CACNA1C: variants seen among roughly 807,000 people sequenced by gnomAD.
The protein encoded by CACNA1C is voltage-dependent L-type calcium channel subunit alpha-1C.
In CACNA1C, 30 loss-of-function variants were observed where a neutral mutation model predicts 229.0. The observed-to-expected ratio is 0.13, with a 90% CI of 0.10 to 0.18. The LOEUF (loss-of-function observed/expected upper bound fraction) is 0.18. Ranked by LOEUF, CACNA1C falls within the 10% of genes least tolerant of loss-of-function variation. The pLI, the probability that CACNA1C is intolerant of heterozygous loss-of-function variation, is 1.00. For missense variants in CACNA1C, 1,658 were observed against 2,845.0 expected (o/e 0.58, Z 9.49); for synonymous variants, 1,114 against 1,132.5 (o/e 0.98, Z 0.33).
rs564612553 is a variant in CACNA1C at position 2,033,096 on chromosome 12, A to T, written c.139+61895A>T. ...AGTGCCTGGTTAGGTGCAGTGATGT[A>T]GCTAACCCACCCTGGGGGAGTTCCG... On this transcript the variant is annotated intron_variant, in intron 1 of 46. Coordinates refer to the CACNA1C transcript ENST00000682462. 1.3e-4 allele frequency among the ~76,000 whole-genome samples: 20 copies of T among 152,280 alleles called. 2 individuals are homozygous for T. In the South Asian group the frequency reaches 4.1e-3, roughly 32 times the overall value.
intron 3 of CACNA1C, among the ~76,000 whole-genome samples, chr12:2,144,999 G>C (rs1235362195): frequency 1.3e-5 from 2 of 151,248 alleles, no homozygotes; most frequent in African/African-American, 4.8e-5. Context: ...TGCAGTATTA[G>C]AGGTGGACAG....
In CACNA1C at chr12:2,677,385, G is replaced by A. The variant is rs527656342; in HGVS notation, c.4956+164G>A. ...TTCCAAAGATGGCTGTGAGAAGGGG[G>A]TGATGTGCCCTTCCCTACCTGCCAC... On this transcript the variant is annotated intron_variant, in intron 40 of 46. Transcript: ENST00000399655. The surrounding 1 kb of genome is among the most constrained non-coding windows in gnomAD (Gnocchi z 7.4). The A allele has an allele frequency of 1.3e-6, 1 of 759,602 alleles. No homozygotes were observed. Among genetic ancestry groups the A allele is most frequent in the Non-Finnish European group, 2.1e-6 (1 of 483,982 alleles). The allele number at this position is 759,602 out of a possible 1,614,324, so 47.1% of individuals were successfully genotyped here.
chr12:2,510,093 C>T lies in CACNA1C; in HGVS notation c.1218-2719C>T, dbSNP rs571454187. 2.0e-5 allele frequency among the ~76,000 whole-genome samples: 3 copies of T among 152,308 alleles called. No individual in the cohort carries two copies. In the South Asian group the frequency reaches 6.2e-4, roughly 32 times the overall value. On this transcript the variant is annotated intron_variant, in intron 8 of 46. Transcript: ENST00000399655. The stretch of plus-strand genomic sequence containing the variant: ...GCTCTCCACACCACCCCTCATTTTT[C>T]ATGTTGGCCATTGCTGGCGAGAGAT...
intron 18 of CACNA1C, among the ~76,000 whole-genome samples, chr12:2,591,907 G>T (rs2065540487): frequency 6.6e-6 from 1 of 152,184 alleles, no homozygotes; most frequent in South Asian, 2.1e-4. Flanking sequence ...TCCAATCTCT[G>T]CCTCTGTCTT....
chr12:2,410,144 A>C lies in CACNA1C; in HGVS notation c.478-38832A>C, dbSNP rs1291827706. On this transcript the variant is annotated intron_variant, in intron 3 of 46. Transcript: ENST00000399655. The surrounding 1 kb of genome is among the most constrained non-coding windows in gnomAD (Gnocchi z 5.3). ...GCTGTCAGCCTTGGATGGTGGGCTC[A>C]TGCATTCTGTTCCCACTCCAATCTG... Among the ~76,000 whole-genome samples, 1 of 152,218 alleles carries C rather than the reference A, an allele frequency of 6.6e-6. No individual in the cohort carries two copies. The highest frequency in any genetic ancestry group is 1.5e-5 in the Non-Finnish European group (1 of 68,042).
chr12:2,104,879 A>G (rs1247978010), intron 1 of CACNA1C, among the ~76,000 whole-genome samples: 1 of 152,200 alleles, frequency 6.6e-6, no homozygotes, highest in Non-Finnish European at 1.5e-5. Context: ...TTTGGTTATT[A>G]TGGCAAAAAT....
At chr12:2,074,044 A>G (rs1264140467) in intron 1 of CACNA1C, among the ~76,000 whole-genome samples, 1 of 152,232 alleles carries the variant, frequency 6.6e-6, no homozygotes, top group African/African-American at 2.4e-5. Flanking sequence ...CATTCCTCAT[A>G]GAGTCAGAGA....
intron 29 of CACNA1C, among the ~76,000 whole-genome samples, chr12:2,624,777 T>A (rs573434909): frequency 6.6e-6 from 1 of 152,234 alleles, no homozygotes; most frequent in Non-Finnish European, 1.5e-5. Flanking sequence ...TAGTGACTTT[T>A]AGATGAAACC....
At chr12:2,593,434 A>G in intron 19 of CACNA1C, 89 bp downstream of exon 19, 1 of 1,370,606 alleles carries the variant, frequency 7.3e-7, no homozygotes, top group Non-Finnish European at 1.0e-6. Flanking sequence ...CTCTGGATGG[A>G]GACTGAGACT....
In CACNA1C at chr12:2,275,604, G is replaced by A. The variant is rs1354740805; in HGVS notation, c.477+155174G>A. Among the ~76,000 whole-genome samples, 1 of 151,962 alleles carries A rather than the reference G, an allele frequency of 6.6e-6. No homozygotes were observed. The highest frequency in any genetic ancestry group is 2.4e-5 in the African/African-American group (1 of 41,276). On this transcript the variant is annotated intron_variant, in intron 3 of 46. Coordinates refer to ENST00000399655, the MANE Select transcript of CACNA1C (RefSeq NM_000719.7). This position sits in a 1 kb window ranked among gnomAD's most constrained non-coding sequence, Gnocchi z 4.1. ...GAGCCTGTGTCATGGAAGAGAGGTGGCCTGACCACTCTAAGCCCACAGCAC... is the reference window on the plus strand; with the variant it reads ...GAGCCTGTGTCATGGAAGAGAGGTGACCTGACCACTCTAAGCCCACAGCAC...
chr12:2,125,557 T>C (rs1057050837), intron 3 of CACNA1C, among the ~76,000 whole-genome samples: 3 of 152,126 alleles, frequency 2.0e-5, no homozygotes, highest in African/African-American at 7.2e-5. Flanking sequence ...AAAGAAGAGA[T>C]GCTGATGCAC....
intron 3 of CACNA1C, among the ~76,000 whole-genome samples, chr12:2,358,425 A>G (rs1451788720): frequency 6.6e-6 from 1 of 152,048 alleles, no homozygotes; most frequent in African/African-American, 2.4e-5. Context: ...AACCCTTTCC[A>G]TTTATTGGAC....
chr12:2,455,409 G>A (rs1328217460), intron 4 of CACNA1C, among the ~76,000 whole-genome samples: 1 of 152,178 alleles, frequency 6.6e-6, no homozygotes, highest in Non-Finnish European at 1.5e-5. Context: ...AATGACAAAT[G>A]TCTCATGAAT....
rs2076328331 is a variant in CACNA1C, at chr12:2,608,653, G to A, written c.3499G>A (p.Val1167Ile). Residue 1167 changes from valine to isoleucine, a missense_variant, in exon 27 of 47, where the codon GTC becomes ATC. Physicochemically the swap from Val to Ile is conservative, Grantham distance 29. Transcript: ENST00000399655. The surrounding 1 kb of genome is among the most constrained non-coding windows in gnomAD (Gnocchi z 4.2). ...GAACATCTTCGTGGGCTTCGTCATC[G>A]TCACCTTTCAGGAGCAGGGGGAGCA... ...MMNIFVGFVI[V>I]TFQEQGEQEY... 4.3e-6 allele frequency: 7 copies of A among 1,614,088 alleles called. No individual in the cohort carries two copies. Among genetic ancestry groups the A allele is most frequent in the Non-Finnish European group, 5.1e-6 (6 of 1,179,978 alleles).
At chr12:2,240,738 G>C (rs1416746795) in intron 3 of CACNA1C, among the ~76,000 whole-genome samples, 1 of 150,864 alleles carries the variant, frequency 6.6e-6, no homozygotes, top group East Asian at 2.0e-4. Flanking sequence ...ATTAGCACAT[G>C]GTTAGGTGGG....
chr12:2,670,880 A>G (rs1382547559), intron 38 of CACNA1C, among the ~76,000 whole-genome samples: 1 of 151,698 alleles, frequency 6.6e-6, no homozygotes, highest in Non-Finnish European at 1.5e-5. Flanking sequence ...TAATAAAAAT[A>G]GGACAAGTTC....
At chr12:2,103,027 C>T (rs548755061) in intron 1 of CACNA1C, among the ~76,000 whole-genome samples, 94 of 152,236 alleles carry the variant, frequency 6.2e-4, no homozygotes, top group African/African-American at 2.0e-3. Context: ...CTATTGTGAA[C>T]GGTGCCGCAG....
intron 3 of CACNA1C, among the ~76,000 whole-genome samples, chr12:2,162,409 G>A (rs2238042): frequency 0.75 from 113,730 of 151,462 alleles, 42,851 homozygotes; most frequent in African/African-American, 0.81. Flanking sequence ...GGAGGCTGAG[G>A]GTACAAGAGA....
At chr12:2,423,577 T>C (rs540733955) in intron 3 of CACNA1C, among the ~76,000 whole-genome samples, 75 of 152,236 alleles carry the variant, frequency 4.9e-4, no homozygotes, top group African/African-American at 1.7e-3. Context: ...AATGAGTTGA[T>C]AGAGTGAGTG....
Sources: gnomAD v4.1 joint callset for allele counts (sites outside exome capture counted in the v4.1 genomes callset) on GRCh38, gnomAD v4.1.1 for gene constraint, Gnocchi (gnomAD v3.1) non-coding constraint, MANE v1.5 for transcripts, NCBI Gene and HGNC (gene_info 2026-07-23, HGNC 2026-07-21) for gene names.